The following SLC5A6 variants were observed in gnomAD, a reference collection of about 807,000 sequenced individuals.
The protein encoded by SLC5A6 is sodium-dependent multivitamin transporter.
SLC5A6 carries 31 observed loss-of-function variants against 67.9 expected under a neutral mutation model. That is an observed-to-expected ratio of 0.46 (90% CI 0.34 to 0.62). The LOEUF (loss-of-function observed/expected upper bound fraction) is 0.62. Ranked by LOEUF, SLC5A6 falls within the 20% of genes least tolerant of loss-of-function variation. The pLI is 0.01. For synonymous variants in SLC5A6, 343 were observed against 331.0 expected, an observed-to-expected ratio of 1.04 and a Z score of -0.39; for missense variants, 673 against 812.8, an observed-to-expected ratio of 0.83 and a Z score of 2.09.
At chr2:27,212,317 C>T, upstream of SLC5A6, 1 of 1,549,060 alleles carries the variant, frequency 6.5e-7, no homozygotes, top group South Asian at 1.2e-5. Context: ...CGCTGCGGGG[C>T]GGGGCCGCGG....
upstream of SLC5A6, chr2:27,212,381 GA>G: frequency 6.4e-7 from 1 of 1,550,606 alleles, no homozygotes; most frequent in African/African-American, 1.4e-5. Context: ...GGCGCCTCAC[GA>G]CCCGGGTAGT....
chr2:27,212,582 G>C (rs946544324), upstream of SLC5A6: 3 of 1,459,580 alleles, frequency 2.1e-6, no homozygotes, highest in African/African-American at 4.4e-5. Flanking sequence ...TTTCGTCCCT[G>C]ACGCTTCCCG....
rs1674162248 is a variant in SLC5A6, at chr2:27,207,545, G to A, written c.106C>T (p.Leu36=). Residue 36 remains leucine (L), a synonymous_variant, in exon 3 of 17, where the codon CTG becomes TTG. Transcript: ENST00000310574. This position sits in a 1 kb window ranked among gnomAD's most constrained non-coding sequence, Gnocchi z 5.5. ...AGCCCAATGGCAAGAGAGAGAACCAGCAGCAGGACGAACACCACATAGTCC... is the reference window on the plus strand; with the variant it reads ...AGCCCAATGGCAAGAGAGAGAACCAACAGCAGGACGAACACCACATAGTCC... ...IMDYVVFVLL[L]VLSLAIGLYH... is the part of the protein sequence containing the mutation. The A allele has an allele frequency of 6.2e-7, 1 of 1,614,254 alleles. No homozygotes were observed. Among genetic ancestry groups the A allele is most frequent in the Non-Finnish European group, 8.5e-7 (1 of 1,180,052 alleles).
Position 27,199,839 on chromosome 2 carries a change from TAC to T in SLC5A6, c.*595_*596del, listed in dbSNP as rs1673484842. 1 of 152,850 alleles carries T rather than the reference TAC, an allele frequency of 6.5e-6. No homozygotes were observed. The highest frequency in any genetic ancestry group is 2.4e-5 in the African/African-American group (1 of 41,436). The allele number at this position is 152,850 out of a possible 1,614,324, so 9.5% of individuals were successfully genotyped here. A position where few individuals can be genotyped will look rare whatever the true frequency, so the allele number is the denominator to read the frequency against. ...AGTGAGGTGGAAAACGTGCTTGCTC[TAC>T]ACAAAGACAAATGGATCTTCTATTC... On this transcript the variant is annotated 3_prime_UTR_variant, in exon 17 of 17. Transcript: ENST00000310574.
chr2:27,201,521 A>C, intron 14 of SLC5A6, 68 bp from the exon 15 acceptor site: 1 of 1,352,220 alleles, frequency 7.4e-7, no homozygotes, highest in Non-Finnish European at 1.1e-6. Flanking sequence ...ACCAATCTCT[A>C]CTTGCCCGCA....
In SLC5A6 at chr2:27,204,356, C is replaced by T. The variant is rs1262385586; in HGVS notation, c.1005+105G>A. 3 of 1,333,370 alleles carry T rather than the reference C, an allele frequency of 2.2e-6. No individual in the cohort carries two copies. The East Asian group carries it at 7.0e-5, about 31-fold the overall frequency. 82.6% of individuals were successfully genotyped at this position (1,333,370 alleles called of 1,614,324 possible). On this transcript the variant is annotated intron_variant, in intron 9 of 16. Transcript: ENST00000310574. ...GTGGGAAAGGATTTTACAACCGTCTCCCACCCAGGGTGGGAGTCCTTTCTG... is the reference window on the plus strand; with the variant it reads ...GTGGGAAAGGATTTTACAACCGTCTTCCACCCAGGGTGGGAGTCCTTTCTG...
rs960405856 is a variant in SLC5A6, at chr2:27,207,046, C to T, written c.394-104G>A. ...AACATGAGGGAATATCCAACCCATA[C>T]CCACTCTGAGTCCTACTCGGCATAG... is the stretch of plus-strand genomic sequence containing the variant. On this transcript the variant is annotated intron_variant, in intron 3 of 16. Coordinates refer to ENST00000310574, the MANE Select transcript of SLC5A6 (RefSeq NM_021095.4). The surrounding 1 kb of genome is among the most constrained non-coding windows in gnomAD (Gnocchi z 5.5). The T allele has an allele frequency of 5.4e-6, 6 of 1,113,082 alleles. No homozygotes were observed. The highest frequency in any genetic ancestry group is 8.3e-6 in the Non-Finnish European group (6 of 725,606). The allele number at this position is 1,113,082 out of a possible 1,614,324, so 69.0% of individuals were successfully genotyped here. A position where few individuals can be genotyped will look rare whatever the true frequency, so the allele number is the denominator to read the frequency against.
At chr2:27,205,086 A>G (rs1673954558) in intron 7 of SLC5A6, 155 bp from the exon 8 acceptor site, 9 of 840,602 alleles carry the variant, frequency 1.1e-5, no homozygotes, top group African/African-American at 1.7e-5. Flanking sequence ...CTCGAGAGAC[A>G]GCACAGCCAG....
At chr2:27,212,737 C>A (rs1674636833), upstream of SLC5A6, 1 of 1,041,906 alleles carries the variant, frequency 9.6e-7, no homozygotes. Flanking sequence ...CAGACGGGTC[C>A]TCTGCCTCTT....
At chr2:27,202,138 A>C (rs1673692352) in intron 12 of SLC5A6, 64 bp from the exon 13 acceptor site, 10 of 1,159,902 alleles carry the variant, frequency 8.6e-6, no homozygotes, top group Non-Finnish European at 1.3e-5. Flanking sequence ...CAGACTCACC[A>C]TAAAGCATAG....
At chr2:27,204,373 T>C in intron 9 of SLC5A6, 88 bp downstream of exon 9, 1 of 1,427,474 alleles carries the variant, frequency 7.0e-7, no homozygotes, top group Non-Finnish European at 9.4e-7. Context: ...AGGGTGGGAG[T>C]CCTTTCTGCA....
At chr2:27,201,508 G>A (rs1298376309) in intron 14 of SLC5A6, 55 bp from the exon 15 acceptor site, 2 of 1,397,612 alleles carry the variant, frequency 1.4e-6, no homozygotes, top group Non-Finnish European at 2.0e-6. Flanking sequence ...GCATTCCTTG[G>A]GCACCAATCT....
intron 4 of SLC5A6, 98 bp downstream of exon 4, chr2:27,206,779 C>T: frequency 9.6e-7 from 1 of 1,042,166 alleles, no homozygotes; most frequent in Non-Finnish European, 1.5e-6. Context: ...TTCAATCCTG[C>T]CAATCTGAGA....
Position 27,207,450 on chromosome 2 carries a change from G to A in SLC5A6, c.201C>T (p.Gly67=). Residue 67 remains glycine (G), a synonymous_variant, in exon 3 of 17, where the codon GGC becomes GGT. Transcript: ENST00000310574. The surrounding 1 kb of genome is among the most constrained non-coding windows in gnomAD (Gnocchi z 5.5). ...GELLMADRKM[G]CLPVALSLLA... ...GCAGGGACAGTGCCACCGGAAGGCA[G>A]CCCATTTTGCGGTCCGCCATCAGCA... 6.2e-7 allele frequency: 1 copy of A among 1,614,214 alleles called. No individual in the cohort carries two copies. The highest frequency in any genetic ancestry group is 8.5e-7 in the Non-Finnish European group (1 of 1,180,046).
At position 27,203,333 on chromosome 2, in the gene SLC5A6, A is replaced by G; in HGVS notation, c.1107T>C (p.Ser369=). 6.2e-7 allele frequency: 1 copy of G among 1,614,174 alleles called. No individual in the cohort carries two copies. Among genetic ancestry groups the G allele is most frequent in the Non-Finnish European group, 8.5e-7 (1 of 1,180,018 alleles). ...TAACAGTTGCCAATGAATTAAAAGCAGAGGATATAGTGCTGAAAAAGAGGA... is the reference window on the plus strand; with the variant it reads ...TAACAGTTGCCAATGAATTAAAAGCGGAGGATATAGTGCTGAAAAAGAGGA... The part of the protein sequence containing the change: ...LFSGSLSTIS[S]AFNSLATVTM... Residue 369 remains serine, a synonymous_variant, in exon 11 of 17, where the codon TCT becomes TCC. Coordinates refer to ENST00000310574, the MANE Select transcript of SLC5A6 (RefSeq NM_021095.4).
At chr2:27,202,972 CCT>C (rs1438765822) in intron 11 of SLC5A6, 92 bp from the exon 12 acceptor site, 1 of 1,571,024 alleles carries the variant, frequency 6.4e-7, no homozygotes, top group African/African-American at 1.4e-5. Context: ...CAAACTACCA[CCT>C]CTGTCTCTCT....
chr2:27,204,226 A>G (rs541163159), intron 9 of SLC5A6, among the ~76,000 whole-genome samples: 21 of 152,238 alleles, frequency 1.4e-4, no homozygotes, highest in African/African-American at 3.1e-4. Context: ...ATGGAGCCCA[A>G]TGGGGAGTCA....
Position 27,202,899 on chromosome 2 carries a change from A to T in SLC5A6, c.1208-19T>A. On this transcript the variant is annotated intron_variant, in intron 11 of 16. Transcript: ENST00000310574. ...CCAAAGGCTGGGGGAAAAGGACAGG[A>T]GAGGAAACAAGAAGGTGTGAGTTAA... 1 of 1,612,128 alleles carries T rather than the reference A, an allele frequency of 6.2e-7. No homozygotes were observed. Among genetic ancestry groups the T allele is most frequent in the Middle Eastern group, 1.7e-4 (1 of 6,042 alleles).
chr2:27,203,900 C>T, intron 9 of SLC5A6, 33 bp from the exon 10 acceptor site: 2 of 1,533,376 alleles, frequency 1.3e-6, no homozygotes, highest in Non-Finnish European at 1.8e-6. Context: ...CAGCAGTCCT[C>T]AGAGAGGGGT....
Sources: gnomAD v4.1 joint callset for allele counts (sites outside exome capture counted in the v4.1 genomes callset) on GRCh38, gnomAD v4.1.1 for gene constraint, Gnocchi (gnomAD v3.1) non-coding constraint, MANE v1.5 for transcripts, NCBI Gene and HGNC (gene_info 2026-07-23, HGNC 2026-07-21) for gene names.